Variants in RAPH1 observed in about 807,000 individuals in gnomAD.
The protein encoded by RAPH1 is Ras association (RalGDS/AF-6) and pleckstrin homology domains 1, also known as ras-associated and pleckstrin homology domains-containing protein 1.
A neutral mutation model predicts 88.1 loss-of-function variants in RAPH1; 18 were observed. That is an observed-to-expected ratio of 0.20 (90% CI 0.14 to 0.30). The LOEUF (loss-of-function observed/expected upper bound fraction) is 0.30. RAPH1 is among the 10% of genes least tolerant of loss of function. The probability of loss-of-function intolerance (pLI) is 1.00; values close to 1 mark genes in which losing one functional copy is unlikely to be tolerated. For missense variants in RAPH1, 1,448 were observed against 1,543.2 expected, an observed-to-expected ratio of 0.94 and a Z score of 1.03; for synonymous variants, 587 against 559.0, an observed-to-expected ratio of 1.05 and a Z score of -0.71.
intron 4 of RAPH1, among the ~76,000 whole-genome samples, chr2:203,465,215 C>T (rs1438093473): frequency 6.6e-6 from 1 of 152,200 alleles, no homozygotes; most frequent in East Asian, 1.9e-4. Flanking sequence ...CAACCTTATT[C>T]ATGAGTGCCA....
In RAPH1 at chr2:203,438,654, G is replaced by A. The variant is rs1019076582; in HGVS notation, c.*783C>T. On this transcript the variant is annotated 3_prime_UTR_variant, in exon 14 of 14. Coordinates refer to ENST00000319170, the MANE Select transcript of RAPH1 (RefSeq NM_213589.3). ...TTATAGCACTAATTATCCATGTATT[G>A]TAGGCAAAGAGCTTATCTGTCAGCA... 1 of 162,598 alleles carries A rather than the reference G, an allele frequency of 6.2e-6. No homozygotes were observed. The highest frequency in any genetic ancestry group is 1.3e-5 in the Non-Finnish European group (1 of 74,856). 10.1% of individuals were successfully genotyped at this position (162,598 alleles called of 1,614,324 possible).
At chr2:203,514,557 GTTTT>G (rs929645362) in intron 1 of RAPH1, among the ~76,000 whole-genome samples, 1 of 151,498 alleles carries the variant, frequency 6.6e-6, no homozygotes, top group Non-Finnish European at 1.5e-5. Context: ...AATTTGTGGG[GTTTT>G]TTTGTTTTTT....
At chr2:203,506,898 A>ATATTTTTTTTTTTTTTTTTTTT (rs1304485255) in intron 1 of RAPH1, among the ~76,000 whole-genome samples, 1 of 87,878 alleles carries the variant, frequency 1.1e-5, no homozygotes, top group African/African-American at 6.4e-5. Flanking sequence ...ATATATATAT[A>ATATTTTTTTTTTTTTTTTTTTT]TTTTTTTTTT....
At chr2:203,506,822 ATATATATATC>A (rs1553630478) in intron 1 of RAPH1, among the ~76,000 whole-genome samples, 3 of 66,658 alleles carry the variant, frequency 4.5e-5, no homozygotes, top group African/African-American at 2.2e-4. Context: ...CTATATATCT[ATATATATATC>A]TATATCTATA....
Position 203,438,439 on chromosome 2 carries a change from T to C in RAPH1, c.*998A>G, listed in dbSNP as rs1006972107. On this transcript the variant is annotated 3_prime_UTR_variant, in exon 14 of 14. Transcript: ENST00000319170. The stretch of plus-strand genomic sequence containing the variant: ...GTGTATATTTCATATACCAATTGTC[T>C]ACAGATATGTAATAACACCTACCTA... 6.4e-6 allele frequency: 2 copies of C among 314,218 alleles called. No homozygotes were observed. The highest frequency in any genetic ancestry group is 4.4e-5 in the African/African-American group (2 of 45,504). 19.5% of individuals were successfully genotyped at this position (314,218 alleles called of 1,614,324 possible). A position where few individuals can be genotyped will look rare whatever the true frequency, so the allele number is the denominator to read the frequency against.
chr2:203,479,673 A>G (rs1316295659), intron 4 of RAPH1, among the ~76,000 whole-genome samples: 1 of 152,110 alleles, frequency 6.6e-6, no homozygotes, highest in East Asian at 1.9e-4. Context: ...TACATATAAA[A>G]CAGTATGACG....
At chr2:203,504,105 A>G (rs891713871) in intron 1 of RAPH1, among the ~76,000 whole-genome samples, 5 of 152,072 alleles carry the variant, frequency 3.3e-5, no homozygotes, top group Admixed American at 2.6e-4. Context: ...CTGTAGATCT[A>G]CCATTCTGGG....
intron 6 of RAPH1, 27 bp downstream of exon 6, chr2:203,461,222 A>T: frequency 2.8e-6 from 4 of 1,443,740 alleles, no homozygotes; most frequent in Non-Finnish European, 3.7e-6. Flanking sequence ...AAAATTAGAA[A>T]GCAATTAAAG....
At position 203,506,856 on chromosome 2, in the gene RAPH1, C is replaced by CTATATATA. The variant is rs1231672342; in HGVS notation, c.1-11511_1-11504dup. 8.8e-4 allele frequency among the ~76,000 whole-genome samples: 27 copies of CTATATATA among 30,778 alleles called. 1 individual carries two copies. The highest frequency in any genetic ancestry group is 1.1e-3 in the Non-Finnish European group (20 of 18,488). The allele number at this position is 30,778 out of a possible 152,430, so 20.2% of individuals were successfully genotyped here. A position where few individuals can be genotyped will look rare whatever the true frequency, so the allele number is the denominator to read the frequency against. ...TCTATATCTATATATCTATCTATAT[C>CTATATATA]TATATATATATATATATATATATAG... On this transcript the variant is annotated intron_variant, in intron 1 of 13. Transcript: ENST00000319170.
rs2098498899 is a variant in RAPH1 at position 203,436,803 on chromosome 2, AG to A, written c.*2633del. On this transcript the variant is annotated 3_prime_UTR_variant, in exon 14 of 14. Transcript: ENST00000319170. ...CTTTCCATGAATACACCAGAGAAAA[AG>A]AGCTACAGAAATACAGTCTAGGAAA... 2 of 152,254 alleles carry A rather than the reference AG, an allele frequency of 1.3e-5. No individual in the cohort carries two copies. The highest frequency in any genetic ancestry group is 4.8e-5 in the African/African-American group (2 of 41,462). 9.4% of individuals were successfully genotyped at this position (152,254 alleles called of 1,614,324 possible). A position where few individuals can be genotyped will look rare whatever the true frequency, so the allele number is the denominator to read the frequency against.
chr2:203,476,773 T>C (rs2105764023), intron 4 of RAPH1, among the ~76,000 whole-genome samples: 1 of 152,258 alleles, frequency 6.6e-6, no homozygotes. Context: ...ACAATTCAAT[T>C]TGTTAGTATC....
At chr2:203,450,981 C>G (rs941948925) in intron 10 of RAPH1, among the ~76,000 whole-genome samples, 1 of 151,878 alleles carries the variant, frequency 6.6e-6, no homozygotes, top group African/African-American at 2.4e-5. Flanking sequence ...TCTCTCTAAC[C>G]TGGGAATACA....
In RAPH1 at chr2:203,439,254, C is replaced by A; in HGVS notation, c.*183G>T. On this transcript the variant is annotated 3_prime_UTR_variant, in exon 14 of 14. Transcript: ENST00000319170. Reference sequence around the variant, plus strand: ...ACACATACACATACATATATGTATACATATATACACACACTGTACAGCTGT... The same window carrying A: ...ACACATACACATACATATATGTATAAATATATACACACACTGTACAGCTGT... 1 of 587,406 alleles carries A rather than the reference C, an allele frequency of 1.7e-6. No individual in the cohort carries two copies. The highest frequency in any genetic ancestry group is 3.0e-5 in the Admixed American group (1 of 33,720). 36.4% of individuals were successfully genotyped at this position (587,406 alleles called of 1,614,324 possible).
chr2:203,471,189 T>C lies in RAPH1; in HGVS notation c.733-9264A>G, dbSNP rs1226216334. ...CAAATTAGTATTTAACAGTACATAG[T>C]TACTTATCACCATTTAAAAAAATGT... On this transcript the variant is annotated intron_variant, in intron 4 of 13. Transcript: ENST00000319170. 5.3e-5 allele frequency among the ~76,000 whole-genome samples: 8 copies of C among 152,354 alleles called. No individual in the cohort carries two copies. The South Asian group carries it at 1.7e-3, about 32-fold the overall frequency.
At chr2:203,459,285 T>C (rs906450304) in intron 7 of RAPH1, among the ~76,000 whole-genome samples, 2 of 152,244 alleles carry the variant, frequency 1.3e-5, no homozygotes, top group African/African-American at 2.4e-5. Flanking sequence ...AGCATAACTA[T>C]GCAATATCTT....
At chr2:203,517,227 T>A (rs374048094) in intron 1 of RAPH1, among the ~76,000 whole-genome samples, 1 of 151,330 alleles carries the variant, frequency 6.6e-6, no homozygotes, top group East Asian at 1.9e-4. Flanking sequence ...AATTTCACAG[T>A]GGACTTTAAA....
intron 1 of RAPH1, among the ~76,000 whole-genome samples, chr2:203,528,721 T>C (rs1211287701): frequency 6.6e-6 from 1 of 152,074 alleles, no homozygotes; most frequent in Non-Finnish European, 1.5e-5. Context: ...ATGTTTATTC[T>C]AAAAACTTAG....
At chr2:203,477,141 TCA>T in intron 4 of RAPH1, 1 of 1,613,824 alleles carries the variant, frequency 6.2e-7, no homozygotes, top group Non-Finnish European at 8.5e-7. Context: ...CTGGAACATC[TCA>T]GAGAAATAGC....
In RAPH1 at chr2:203,441,282, A is replaced by T. The variant is rs777698648; in HGVS notation, c.1908T>A (p.Pro636=). The change falls in exon 14 of 14, where the codon CCT becomes CCA. Residue 636 remains proline (P), a synonymous_variant. Transcript: ENST00000319170. ...PPLPPPPPPP[P]PPPPPPPPPP... is the part of the protein sequence containing the mutation. ...GGGGTGGTGGAGGGGGTGGTGGAGGAGGAGGTGGGGGTGGCGGAGGAGGTA... is the reference window on the plus strand; with the variant it reads ...GGGGTGGTGGAGGGGGTGGTGGAGGTGGAGGTGGGGGTGGCGGAGGAGGTA... 1 of 353,758 alleles carries T rather than the reference A, an allele frequency of 2.8e-6. No individual in the cohort carries two copies. Among genetic ancestry groups the T allele is most frequent in the Non-Finnish European group, 3.8e-6 (1 of 265,210 alleles). 21.9% of individuals were successfully genotyped at this position (353,758 alleles called of 1,614,324 possible).
Sources: allele counts gnomAD v4.1 joint callset (sites outside exome capture counted in the v4.1 genomes callset), GRCh38; gene constraint gnomAD v4.1.1; transcripts MANE v1.5; gene names NCBI Gene and HGNC (gene_info 2026-07-23, HGNC 2026-07-21).